DCDC2C: variants seen among roughly 807,000 people sequenced by gnomAD.
DCDC2C encodes doublecortin domain containing 2C, also known as doublecortin domain-containing protein 2C.
In DCDC2C, 44 loss-of-function variants were observed where a neutral mutation model predicts 45.0. The ratio of observed to expected loss-of-function variants is 0.98; its 90% confidence interval spans 0.77 to 1.26. The LOEUF is 1.26. Among genes scored for constraint, DCDC2C ranks in the 50% most tolerant of loss-of-function variants. The pLI, the probability that DCDC2C is intolerant of heterozygous loss-of-function variation, is 0.00. For synonymous variants in DCDC2C, 187 were observed against 178.8 expected (o/e 1.05, Z -0.37); for missense variants, 447 against 468.9 (o/e 0.95, Z 0.43).
intron 2 of DCDC2C, among the ~76,000 whole-genome samples, chr2:3,709,926 A>G (rs2148043542): frequency 6.6e-6 from 1 of 152,304 alleles, no homozygotes; most frequent in Non-Finnish European, 1.5e-5. Flanking sequence ...TGAAACACTG[A>G]GCAGGCACAC....
intron 1 of DCDC2C, among the ~76,000 whole-genome samples, chr2:3,706,942 T>C (rs1400162601): frequency 6.6e-6 from 1 of 152,232 alleles, no homozygotes; most frequent in East Asian, 1.9e-4. Context: ...ACATCCACTC[T>C]GCGGTACGGT....
chr2:3,718,009 G>C (rs1415007556), intron 2 of DCDC2C, among the ~76,000 whole-genome samples: 6 of 152,184 alleles, frequency 3.9e-5, no homozygotes, highest in African/African-American at 1.4e-4. Flanking sequence ...GCTGGCCTCA[G>C]CAGAGCCCCT....
chr2:3,703,658 C>T lies in DCDC2C; in HGVS notation c.-94C>T, dbSNP rs916786897. The T allele has an allele frequency of 1.4e-5, 16 of 1,158,748 alleles. No homozygotes were observed. The African/African-American group carries it at 1.8e-4, about 13-fold the overall frequency. 71.8% of individuals were successfully genotyped at this position (1,158,748 alleles called of 1,614,324 possible). On this transcript the variant is annotated 5_prime_UTR_variant, in exon 1 of 11. Coordinates refer to ENST00000399143, the MANE Select transcript of DCDC2C (RefSeq NM_001287444.2). The surrounding 1 kb of genome is among the most constrained non-coding windows in gnomAD (Gnocchi z 4.4). ...CCAGCGGCTGGAGCGGACCTCCCGT[C>T]GGCGGTGCCCGGGCCTGGGCGCGGC...
intron 2 of DCDC2C, among the ~76,000 whole-genome samples, chr2:3,711,287 C>G (rs930578231): frequency 6.6e-6 from 1 of 152,158 alleles, no homozygotes; most frequent in Non-Finnish European, 1.5e-5. Context: ...AATGCCGTTA[C>G]TGGGTATATA....
In DCDC2C at chr2:3,847,632, G is replaced by A. The variant is rs1672364904; in HGVS notation, c.*449G>A. 6.6e-6 allele frequency among the ~76,000 whole-genome samples: 1 copy of A among 152,128 alleles called. No individual in the cohort carries two copies. ...AAATGTTTTACCTTCTGAATAACTAGTTCAAAGTGAAAAGGAAAAAAATCC... is the reference window on the plus strand; with the variant it reads ...AAATGTTTTACCTTCTGAATAACTAATTCAAAGTGAAAAGGAAAAAAATCC... On this transcript the variant is annotated 3_prime_UTR_variant, in exon 11 of 11. Coordinates refer to ENST00000399143, the MANE Select transcript of DCDC2C (RefSeq NM_001287444.2).
chr2:3,807,099 G>A (rs756798820), intron 10 of DCDC2C, among the ~76,000 whole-genome samples: 9 of 150,492 alleles, frequency 6.0e-5, no homozygotes, highest in Non-Finnish European at 1.0e-4. Flanking sequence ...TTTTTTAACA[G>A]CATGAGGATA....
chr2:3,792,499 TA>T (rs1437206477), intron 10 of DCDC2C, among the ~76,000 whole-genome samples: 2 of 152,214 alleles, frequency 1.3e-5, no homozygotes, highest in Non-Finnish European at 2.9e-5. Context: ...ATCCTCTCTG[TA>T]ACTTTTAAGA....
intron 10 of DCDC2C, among the ~76,000 whole-genome samples, chr2:3,807,656 A>G (rs1671287037): frequency 6.6e-6 from 1 of 151,992 alleles, no homozygotes; most frequent in Non-Finnish European, 1.5e-5. Context: ...ACACAGTCAT[A>G]TAACTACCAG....
At chr2:3,757,575 C>T (rs2148134576) in intron 6 of DCDC2C, among the ~76,000 whole-genome samples, 1 of 152,276 alleles carries the variant, frequency 6.6e-6, no homozygotes, top group African/African-American at 2.4e-5. Context: ...CGGAATGGGG[C>T]ACTCATTGAT....
intron 2 of DCDC2C, among the ~76,000 whole-genome samples, chr2:3,711,580 G>C (rs934433686): frequency 3.3e-5 from 5 of 152,174 alleles, no homozygotes; most frequent in African/African-American, 1.2e-4. Flanking sequence ...CATAGAGTGA[G>C]TGCCCAGCAA....
At chr2:3,800,763 T>A (rs115946340) in intron 10 of DCDC2C, among the ~76,000 whole-genome samples, 1,414 of 132,526 alleles carry the variant, frequency 0.011, 55 homozygotes, top group African/African-American at 0.032. Context: ...AAGGACATTT[T>A]AAGTGACATT....
At chr2:3,764,981 T>C (rs1669975800) in intron 6 of DCDC2C, among the ~76,000 whole-genome samples, 1 of 152,278 alleles carries the variant, frequency 6.6e-6, no homozygotes, top group Non-Finnish European at 1.5e-5. Context: ...TAAGAGATGA[T>C]GTTTCTGTTG....
chr2:3,772,127 G>T (rs540428868), intron 8 of DCDC2C, among the ~76,000 whole-genome samples: 1 of 152,188 alleles, frequency 6.6e-6, no homozygotes, highest in African/African-American at 2.4e-5. Flanking sequence ...ACTAGTAAAT[G>T]TATGAATTTG....
intron 10 of DCDC2C, among the ~76,000 whole-genome samples, chr2:3,821,176 C>A (rs1382778891): frequency 6.6e-6 from 1 of 152,062 alleles, no homozygotes; most frequent in Non-Finnish European, 1.5e-5. Context: ...AGTGGGGGAG[C>A]TTCTGAGCCA....
At chr2:3,816,322 T>A (rs139339139) in intron 10 of DCDC2C, among the ~76,000 whole-genome samples, 1,640 of 152,224 alleles carry the variant, frequency 0.011, 39 homozygotes, top group African/African-American at 0.037. Context: ...GGGTTTAGCA[T>A]AATTGCTTGG....
intron 2 of DCDC2C, among the ~76,000 whole-genome samples, chr2:3,712,495 A>G (rs1033228103): frequency 2.9e-5 from 4 of 137,252 alleles, no homozygotes; most frequent in African/African-American, 1.5e-4. Flanking sequence ...CTACAAAAAA[A>G]AAAAAAAAAA....
chr2:3,770,954 G>A (rs1323342116), intron 8 of DCDC2C, among the ~76,000 whole-genome samples: 1 of 152,232 alleles, frequency 6.6e-6, no homozygotes, highest in Non-Finnish European at 1.5e-5. Context: ...GGGGCTTCCA[G>A]AAAGCGTTTT....
chr2:3,704,243 C>T (rs931727294), intron 1 of DCDC2C: 164 of 419,006 alleles, frequency 3.9e-4, no homozygotes, highest in Non-Finnish European at 2.4e-5. Context: ...GGCAGCCCCG[C>T]CCCCAGGGTC....
In DCDC2C at chr2:3,709,188, G is replaced by A. The variant is rs189160191; in HGVS notation, c.339+588G>A. Among the ~76,000 whole-genome samples, 5 of 152,264 alleles carry A rather than the reference G, an allele frequency of 3.3e-5. No individual in the cohort carries two copies. The East Asian group carries it at 5.8e-4, about 18-fold the overall frequency. ...TTTAACATAATTTTGACTTAAAAAC[G>A]GACTTATTTTGTGGATTATTACACA... On this transcript the variant is annotated intron_variant, in intron 2 of 10. Transcript: ENST00000399143.
Sources: gnomAD v4.1 joint callset for allele counts (sites outside exome capture counted in the v4.1 genomes callset) on GRCh38, gnomAD v4.1.1 for gene constraint, Gnocchi (gnomAD v3.1) non-coding constraint, MANE v1.5 for transcripts, NCBI Gene and HGNC (gene_info 2026-07-23, HGNC 2026-07-21) for gene names.